PRKD1: variants seen among roughly 807,000 people sequenced by gnomAD.
PRKD1 encodes serine/threonine-protein kinase D1.
A neutral mutation model predicts 95.9 loss-of-function variants in PRKD1; 63 were observed. The observed-to-expected ratio is 0.66, with a 90% confidence interval of 0.54 to 0.81. The LOEUF (loss-of-function observed/expected upper bound fraction) is 0.81. Ranked by LOEUF, PRKD1 falls within the 30% of genes least tolerant of loss-of-function variation. PRKD1 has a pLI of 0.00. For missense variants in PRKD1, 1,048 were observed against 1,165.3 expected (o/e 0.90, Z 1.47); for synonymous variants, 425 against 423.1 (o/e 1.00, Z -0.05).
chr14:29,701,491 AC>A (rs1194360128), intron 2 of PRKD1, among the ~76,000 whole-genome samples: 2 of 152,218 alleles, frequency 1.3e-5, no homozygotes, highest in Non-Finnish European at 2.9e-5. Context: ...TTTTTTCACA[AC>A]GAATATCTTT....
intron 1 of PRKD1, chr14:29,811,852 C>T (rs1890498047): frequency 6.6e-6 from 1 of 152,108 alleles, no homozygotes; most frequent in African/African-American, 2.4e-5. Context: ...GCATAACACC[C>T]CAAACAATTG....
intron 1 of PRKD1, among the ~76,000 whole-genome samples, chr14:29,826,748 T>TATATACATATATATACACAC (rs1891167859): frequency 3.3e-5 from 1 of 30,184 alleles, no homozygotes; most frequent in South Asian, 1.0e-3. Flanking sequence ...TATATACACA[T>TATATACATATATATACACAC]ATATATATAC....
chr14:29,643,583 GA>G (rs1880938927), intron 4 of PRKD1, among the ~76,000 whole-genome samples: 1 of 152,130 alleles, frequency 6.6e-6, no homozygotes, highest in African/African-American at 2.4e-5. Context: ...ACCTTCCCAG[GA>G]AATGATTGCT....
chr14:29,611,066 T>G (rs1878424456), intron 13 of PRKD1, among the ~76,000 whole-genome samples: 1 of 152,246 alleles, frequency 6.6e-6, no homozygotes, highest in Non-Finnish European at 1.5e-5. Context: ...TACTATATGA[T>G]GGATACATGT....
intron 4 of PRKD1, among the ~76,000 whole-genome samples, chr14:29,646,219 T>A (rs1881112699): frequency 6.6e-6 from 1 of 152,080 alleles, no homozygotes; most frequent in African/African-American, 2.4e-5. Flanking sequence ...TGTTGTGCAT[T>A]ATTAGTAATT....
intron 1 of PRKD1, among the ~76,000 whole-genome samples, chr14:29,895,751 G>A (rs113892849): frequency 7.9e-5 from 12 of 152,118 alleles, no homozygotes; most frequent in African/African-American, 1.4e-4. Context: ...ACTCTCCACC[G>A]ACATGTCCAC....
intron 13 of PRKD1, among the ~76,000 whole-genome samples, chr14:29,619,486 T>C (rs1879099163): frequency 6.6e-6 from 1 of 152,164 alleles, no homozygotes; most frequent in Non-Finnish European, 1.5e-5. Flanking sequence ...GGGGATACAT[T>C]AGTAAACAAA....
At chr14:29,652,302 T>TA (rs1195296872) in intron 4 of PRKD1, among the ~76,000 whole-genome samples, 1 of 152,150 alleles carries the variant, frequency 6.6e-6, no homozygotes, top group Non-Finnish European at 1.5e-5. Context: ...TTAAGACCTA[T>TA]ATATTAGTAA....
chr14:29,834,628 A>G (rs957807138), intron 1 of PRKD1, among the ~76,000 whole-genome samples: 10 of 151,778 alleles, frequency 6.6e-5, no homozygotes, highest in African/African-American at 2.2e-4. Context: ...TTTTTTTTCT[A>G]TTTTACTAAA....
At position 29,927,256 on chromosome 14, in the gene PRKD1, T is replaced by C; in HGVS notation, c.257A>G (p.Asp86Gly). 6.6e-7 allele frequency: 1 copy of C among 1,505,172 alleles called. No homozygotes were observed. The highest frequency in any genetic ancestry group is 8.9e-7 in the Non-Finnish European group (1 of 1,127,714). 93.2% of individuals were successfully genotyped at this position (1,505,172 alleles called of 1,614,324 possible). Residue 86 changes from aspartate to glycine, a missense_variant, in exon 1 of 18, where the codon GAC (aspartate) becomes GGC (glycine). Physicochemically the swap from Asp to Gly is moderately conservative, Grantham distance 94 (BLOSUM62 -1). Around this residue, in one of 3 missense-constraint regions of PRKD1, gnomAD observed 275 missense variants for 248.6 expected, o/e 1.11. Transcript: ENST00000331968. Reference protein sequence around the residue: ...HVREMACSIVDQKFPECGFYG... With the variant: ...HVREMACSIVGQKFPECGFYG... ...AGCGGTGCGGCGACTTACCTTCTGG[T>C]CGACAATGGAGCAAGCCATCTCGCG...
chr14:29,587,437 A>T (rs562940283), intron 16 of PRKD1, among the ~76,000 whole-genome samples: 1 of 152,314 alleles, frequency 6.6e-6, no homozygotes, highest in South Asian at 2.1e-4. Flanking sequence ...GGTGTTATAT[A>T]TTTCAACTAA....
At chr14:29,816,552 TCATATGAAGTCCAA>T (rs1890701304) in intron 1 of PRKD1, among the ~76,000 whole-genome samples, 1 of 152,232 alleles carries the variant, frequency 6.6e-6, no homozygotes, top group Non-Finnish European at 1.5e-5. Context: ...CAAGTTCTCA[TCATATGAAGTCCAA>T]CATATGAACT....
chr14:29,757,787 G>T (rs1053698776), intron 1 of PRKD1, among the ~76,000 whole-genome samples: 4 of 152,056 alleles, frequency 2.6e-5, no homozygotes, highest in Non-Finnish European at 5.9e-5. Context: ...ATGGAGACAG[G>T]GGTGAATGGC....
intron 2 of PRKD1, among the ~76,000 whole-genome samples, chr14:29,671,209 C>T (rs1440388873): frequency 1.3e-5 from 2 of 151,956 alleles, no homozygotes; most frequent in African/African-American, 2.4e-5. Flanking sequence ...AGACTGAGAA[C>T]ACAATAGCAA....
At chr14:29,809,910 A>C (rs1890407898) in intron 1 of PRKD1, among the ~76,000 whole-genome samples, 1 of 152,206 alleles carries the variant, frequency 6.6e-6, no homozygotes, top group South Asian at 2.1e-4. Flanking sequence ...AATCATTTAT[A>C]GTTTTTGATT....
At chr14:29,692,024 T>G (rs1388463457) in intron 2 of PRKD1, among the ~76,000 whole-genome samples, 1 of 152,166 alleles carries the variant, frequency 6.6e-6, no homozygotes, top group Non-Finnish European at 1.5e-5. Context: ...ACAAGTAGCA[T>G]ATTAAACTTT....
Position 29,638,779 on chromosome 14 carries a change from G to A in PRKD1, c.822C>T (p.Val274=). The A allele has an allele frequency of 1.2e-6, 2 of 1,613,468 alleles. No homozygotes were observed. The highest frequency in any genetic ancestry group is 1.7e-6 in the Non-Finnish European group (2 of 1,179,726). ...CTGTGGGCCGGGTGTAGGAGTGGAT[G>A]ACAAATGTGTGCGGCACTTTAACTT... The part of the protein sequence containing the change: ...MSKVKVPHTF[V]IHSYTRPTVC... Residue 274 remains valine (V), a synonymous_variant, in exon 5 of 18, where the codon GTC becomes GTT. Coordinates refer to ENST00000331968, the MANE Select transcript of PRKD1 (RefSeq NM_002742.3).
chr14:29,859,754 TTAAC>T (rs1430339751), intron 1 of PRKD1, among the ~76,000 whole-genome samples: 1 of 152,198 alleles, frequency 6.6e-6, no homozygotes, highest in Non-Finnish European at 1.5e-5. Context: ...AGGAAATTTA[TTAAC>T]TAATTACTAT....
chr14:29,639,974 T>C (rs181783074), intron 4 of PRKD1, among the ~76,000 whole-genome samples: 135 of 152,350 alleles, frequency 8.9e-4, no homozygotes, highest in African/African-American at 3.1e-3. Flanking sequence ...GGGATATATT[T>C]GAGAATCGTC....
Sources: allele counts gnomAD v4.1 joint callset (sites outside exome capture counted in the v4.1 genomes callset), GRCh38; gene constraint gnomAD v4.1.1; regional missense constraint gnomAD v4.1.1; transcripts MANE v1.5; gene names NCBI Gene and HGNC (gene_info 2026-07-23, HGNC 2026-07-21).